ZNF655: variants seen among roughly 807,000 people sequenced by gnomAD.
The protein encoded by ZNF655 is Vav-interacting Kruppel-like protein 1.
In ZNF655, 3 loss-of-function variants were observed where a neutral mutation model predicts 6.6. That is an observed-to-expected ratio of 0.46 (90% CI 0.21 to 1.18). The LOEUF is 1.18. Among genes scored for constraint, ZNF655 ranks in the 50% most tolerant of loss-of-function variants. The pLI, the probability that ZNF655 is intolerant of heterozygous loss-of-function variation, is 0.24. For missense variants in ZNF655, 526 were observed against 572.3 expected (o/e 0.92, Z 0.83); for synonymous variants, 178 against 195.0 (o/e 0.91, Z 0.73).
chr7:99,563,675 C>T (rs1803388490), intron 2 of ZNF655, among the ~76,000 whole-genome samples: 1 of 151,880 alleles, frequency 6.6e-6, no homozygotes, highest in South Asian at 2.1e-4. Flanking sequence ...TGTGTAAATA[C>T]TGAATCATGC....
rs766615750 is a variant in ZNF655, at chr7:99,560,695, G to A, written c.136G>A (p.Asp46Asn). The change falls in exon 2 of 3, where the codon GAT (aspartate) becomes AAT (asparagine). Residue 46 changes from aspartate to asparagine, a missense_variant and splice_region_variant. Transcript: ENST00000252713. ...DTDMEQGLTG[D>N]GETREENKLL... ...CGACATGGAACAGGGACTCACTGGGGGTAAGGCAGAGAAAGCACTTCCGTC... is the reference window on the plus strand; with the variant it reads ...CGACATGGAACAGGGACTCACTGGGAGTAAGGCAGAGAAAGCACTTCCGTC... The A allele has an allele frequency of 6.2e-7, 1 of 1,613,362 alleles. No homozygotes were observed. The highest frequency in any genetic ancestry group is 8.5e-7 in the Non-Finnish European group (1 of 1,179,488).
chr7:99,571,626 A>G (rs1185020976), intron 2 of ZNF655: 13 of 1,286,518 alleles, frequency 1.0e-5, no homozygotes, highest in Non-Finnish European at 1.3e-5. Flanking sequence ...GTTAAAAGAA[A>G]AAGTGGCAGA....
chr7:99,564,089 C>T, intron 2 of ZNF655: 1 of 1,576,852 alleles, frequency 6.3e-7, no homozygotes, highest in Non-Finnish European at 8.6e-7. Context: ...GGAATAGAAG[C>T]TCCCCAGGAT....
chr7:99,568,985 A>G (rs1166855738), intron 2 of ZNF655, among the ~76,000 whole-genome samples: 2 of 151,956 alleles, frequency 1.3e-5, no homozygotes, highest in Non-Finnish European at 2.9e-5. Context: ...GGATCTCACT[A>G]TGTTGCCCAG....
At chr7:99,566,248 A>G (rs1280274852) in intron 2 of ZNF655, among the ~76,000 whole-genome samples, 1 of 152,186 alleles carries the variant, frequency 6.6e-6, no homozygotes, top group African/African-American at 2.4e-5. Context: ...CCTTAGGACA[A>G]TAAGTTCAAC....
chr7:99,565,761 A>G (rs1483300330), intron 2 of ZNF655, among the ~76,000 whole-genome samples: 1 of 152,166 alleles, frequency 6.6e-6, no homozygotes, highest in African/African-American at 2.4e-5. Flanking sequence ...GCCCTATTAG[A>G]TGATGGCCTC....
Position 99,560,564 on chromosome 7 carries a change from A to G in ZNF655, c.5A>G (p.Glu2Gly), listed in dbSNP as rs530354361. 1.2e-6 allele frequency: 2 copies of G among 1,613,990 alleles called. No individual in the cohort carries two copies. Among genetic ancestry groups the G allele is most frequent in the Admixed American group, 1.7e-5 (1 of 60,008 alleles). The part of the protein sequence containing the change: M[E>G]EIPAQEAAGS... Reference sequence around the variant, plus strand: ...TCATTGTCCTCCAGAGCAGTGATGGAGGAAATACCAGCCCAGGAAGCAGCA... The same window carrying G: ...TCATTGTCCTCCAGAGCAGTGATGGGGGAAATACCAGCCCAGGAAGCAGCA... The change falls in exon 2 of 3, where the codon GAG becomes GGG. Residue 2 changes from glutamate (E) to glycine (G), a missense_variant. Transcript: ENST00000252713.
At chr7:99,562,119 G>A in intron 2 of ZNF655, 1 of 806,152 alleles carries the variant, frequency 1.2e-6, no homozygotes, top group Middle Eastern at 2.5e-4. Flanking sequence ...CGGAGACCTG[G>A]ACTTCACATA....
chr7:99,569,168 C>T (rs1441655721), intron 2 of ZNF655, among the ~76,000 whole-genome samples: 1 of 152,164 alleles, frequency 6.6e-6, no homozygotes, highest in Non-Finnish European at 1.5e-5. Context: ...CACTTTTTCT[C>T]TGTTGTTTGT....
At chr7:99,565,971 C>T (rs566146030) in intron 2 of ZNF655, among the ~76,000 whole-genome samples, 6 of 148,642 alleles carry the variant, frequency 4.0e-5, no homozygotes, top group South Asian at 2.1e-4. Flanking sequence ...TGTATGTATA[C>T]ACACACACAC....
intron 2 of ZNF655, among the ~76,000 whole-genome samples, chr7:99,567,586 T>C (rs1387414699): frequency 6.6e-6 from 1 of 152,006 alleles, no homozygotes; most frequent in Admixed American, 6.5e-5. Flanking sequence ...TACTAATGCT[T>C]TCTTTGATAG....
rs150582115 is a variant in ZNF655, at chr7:99,565,081, G to T, written c.136+4386G>T. On this transcript the variant is annotated intron_variant, in intron 2 of 2. Transcript: ENST00000252713. ...TTATGTCCCGCTGCTCAAGGTCATC[G>T]CCAAGGTCTGATTTTTAACAAAAAT... Among the ~76,000 whole-genome samples, 679 of 152,166 alleles carry T rather than the reference G, an allele frequency of 4.5e-3. 8 individuals are homozygous for T. The highest frequency in any genetic ancestry group is 0.015 in the South Asian group (73 of 4,814).
At chr7:99,564,204 G>A (rs1803454940) in intron 2 of ZNF655, 3 of 1,367,422 alleles carry the variant, frequency 2.2e-6, no homozygotes, top group South Asian at 3.8e-5. Context: ...TTTGAACCCA[G>A]TTCATTCAGA....
At chr7:99,566,156 T>TA (rs1222366118) in intron 2 of ZNF655, among the ~76,000 whole-genome samples, 1 of 152,114 alleles carries the variant, frequency 6.6e-6, no homozygotes, top group African/African-American at 2.4e-5. Flanking sequence ...TCAGAGAAGT[T>TA]AAGTGATCTT....
rs1270194308 is a variant in ZNF655, at chr7:99,574,243, T to G, written c.*659T>G. ...CAACATCGAAATAATGGAGAGAAAA[T>G]TGTTGATTATTTGTTTATGAAATTG... On this transcript the variant is annotated 3_prime_UTR_variant, in exon 3 of 3. Transcript: ENST00000252713. The G allele has an allele frequency of 2.0e-5, 3 of 152,160 alleles. No individual in the cohort carries two copies. Among genetic ancestry groups the G allele is most frequent in the Non-Finnish European group, 4.4e-5 (3 of 68,040 alleles). 9.4% of individuals were successfully genotyped at this position (152,160 alleles called of 1,614,324 possible). A position where few individuals can be genotyped will look rare whatever the true frequency, so the allele number is the denominator to read the frequency against.
At position 99,561,350 on chromosome 7, in the gene ZNF655, A is replaced by G. The variant is rs140684744; in HGVS notation, c.136+655A>G. ...GCCTGAAATAACTTGTGTGTCACCC[A>G]CACAGATCAAGTGCCACAATGTGTA... On this transcript the variant is annotated intron_variant, in intron 2 of 2. Coordinates refer to ENST00000252713, the MANE Select transcript of ZNF655 (RefSeq NM_138494.3). Among the ~76,000 whole-genome samples the G allele has an allele frequency of 5.0e-3, 767 of 152,326 alleles. 4 individuals carry two copies. The highest frequency in any genetic ancestry group is 0.017 in the African/African-American group (713 of 41,560).
Position 99,573,266 on chromosome 7 carries a change from A to G in ZNF655, c.1158A>G (p.Gly386=). ...AGCCCTATACGTGTAGTGAATGTGG[A>G]AAAGACTTCAGATTGAATTCACATC... ...REKPYTCSEC[G]KDFRLNSHLI... is the part of the protein sequence containing the mutation. Residue 386 remains glycine, a synonymous_variant, in exon 3 of 3, where the codon GGA becomes GGG. Transcript: ENST00000252713. 1 of 1,614,204 alleles carries G rather than the reference A, an allele frequency of 6.2e-7. No homozygotes were observed. The highest frequency in any genetic ancestry group is 1.6e-4 in the Middle Eastern group (1 of 6,062).
Position 99,568,452 on chromosome 7 carries a change from G to A in ZNF655, c.137-3793G>A, listed in dbSNP as rs183522202. Reference sequence around the variant, plus strand: ...TTTTTAGTAGAGACAGGGTTTCACCGTGTTAGCCAGGATGGTCTCGATCTC... The same window carrying A: ...TTTTTAGTAGAGACAGGGTTTCACCATGTTAGCCAGGATGGTCTCGATCTC... On this transcript the variant is annotated intron_variant, in intron 2 of 2. Coordinates refer to ENST00000252713, the MANE Select transcript of ZNF655 (RefSeq NM_138494.3). Among the ~76,000 whole-genome samples the A allele has an allele frequency of 1.8e-3, 275 of 151,804 alleles. 3 individuals carry two copies. Among genetic ancestry groups the A allele is most frequent in the African/African-American group, 5.9e-3 (244 of 41,398 alleles).
chr7:99,568,353 C>T (rs1480164107), intron 2 of ZNF655, among the ~76,000 whole-genome samples: 3 of 148,772 alleles, frequency 2.0e-5, no homozygotes, highest in East Asian at 4.1e-4. Context: ...CGGGTTCAAG[C>T]GATTCTCCTT....
Sources: gnomAD v4.1 joint callset for allele counts (sites outside exome capture counted in the v4.1 genomes callset) on GRCh38, gnomAD v4.1.1 for gene constraint, MANE v1.5 for transcripts, NCBI Gene and HGNC (gene_info 2026-07-23, HGNC 2026-07-21) for gene names.